The following CNOT6 variants were observed in gnomAD, a reference collection of about 807,000 sequenced individuals.
CNOT6 encodes carbon catabolite repression 4 protein.
In CNOT6, 12 loss-of-function variants were observed where a neutral mutation model predicts 61.2. That is an observed-to-expected ratio of 0.20 (90% CI 0.13 to 0.32). CNOT6 has a LOEUF of 0.32. Among genes scored for constraint, CNOT6 ranks in the 10% least tolerant of loss-of-function variants. The pLI is 1.00. For missense variants in CNOT6, 405 were observed against 663.9 expected (o/e 0.61, Z 4.28); for synonymous variants, 225 against 240.6 (o/e 0.94, Z 0.60).
rs2127771662 is a variant in CNOT6, at chr5:180,574,982, G to GTGA, written c.*787_*789dup. On this transcript the variant is annotated 3_prime_UTR_variant, in exon 12 of 12. Coordinates refer to ENST00000261951, the MANE Select transcript of CNOT6 (RefSeq NM_001370472.1). ...TCTACTAGGACAGATAAGCTGAACA[G>GTGA]TGATGATCTGTAGACATTTATGGAC... is the stretch of plus-strand genomic sequence containing the variant. 6.5e-6 allele frequency: 1 copy of GTGA among 152,800 alleles called. No individual in the cohort carries two copies. Among genetic ancestry groups the GTGA allele is most frequent in the East Asian group, 1.9e-4 (1 of 5,196 alleles). The allele number at this position is 152,800 out of a possible 1,614,324, so 9.5% of individuals were successfully genotyped here.
chr5:180,520,802 G>A (rs960175848), intron 1 of CNOT6, among the ~76,000 whole-genome samples: 2 of 151,698 alleles, frequency 1.3e-5, no homozygotes, highest in African/African-American at 4.8e-5. Flanking sequence ...TTCTTTCCAA[G>A]AGTGTGTTTA....
intron 10 of CNOT6, among the ~76,000 whole-genome samples, chr5:180,570,045 AATAG>A (rs749875779): frequency 3.3e-5 from 5 of 152,120 alleles, no homozygotes; most frequent in African/African-American, 4.8e-5. Context: ...TTGACATCAC[AATAG>A]ATAGAGCCCT....
chr5:180,514,667 C>T (rs1449316808), intron 1 of CNOT6, among the ~76,000 whole-genome samples: 3 of 152,224 alleles, frequency 2.0e-5, no homozygotes, highest in South Asian at 2.1e-4. Flanking sequence ...GTTTGCTTTC[C>T]AGTTGCTTAA....
chr5:180,531,791 C>T (rs570474428), intron 2 of CNOT6, among the ~76,000 whole-genome samples: 21 of 152,280 alleles, frequency 1.4e-4, no homozygotes, highest in African/African-American at 4.8e-4. Flanking sequence ...GAGACCAGCC[C>T]GGCCAACATG....
chr5:180,528,550 C>G (rs1273286105), intron 1 of CNOT6, among the ~76,000 whole-genome samples: 1 of 152,088 alleles, frequency 6.6e-6, no homozygotes, highest in Non-Finnish European at 1.5e-5. Context: ...CTCCTGACCT[C>G]GTGATTCACC....
chr5:180,511,393 C>T (rs1222104680), intron 1 of CNOT6, among the ~76,000 whole-genome samples: 10 of 151,986 alleles, frequency 6.6e-5, no homozygotes, highest in Admixed American at 2.6e-4. Flanking sequence ...GGGTGGATCA[C>T]GAGGTCAGGA....
At chr5:180,516,944 G>A (rs1287482484) in intron 1 of CNOT6, among the ~76,000 whole-genome samples, 3 of 152,134 alleles carry the variant, frequency 2.0e-5, no homozygotes, top group Admixed American at 6.5e-5. Context: ...GTTTCATACT[G>A]CACCACATCA....
chr5:180,546,767 G>A (rs147727446), intron 2 of CNOT6, among the ~76,000 whole-genome samples: 219 of 152,232 alleles, frequency 1.4e-3, no homozygotes, highest in African/African-American at 5.1e-3. Context: ...TTTCCTATCA[G>A]GTAGATCAAC....
At chr5:180,570,281 C>T (rs752790644) in intron 10 of CNOT6, among the ~76,000 whole-genome samples, 3 of 152,136 alleles carry the variant, frequency 2.0e-5, no homozygotes, top group Non-Finnish European at 4.4e-5. Context: ...TGACTTGAAC[C>T]CCAGAGGCAG....
intron 1 of CNOT6, among the ~76,000 whole-genome samples, chr5:180,512,016 T>G (rs983898534): frequency 1.3e-5 from 2 of 152,244 alleles, no homozygotes; most frequent in African/African-American, 2.4e-5. Flanking sequence ...ATTTGTAGTT[T>G]CATTCAGCTG....
intron 1 of CNOT6, among the ~76,000 whole-genome samples, chr5:180,505,154 G>A (rs1248558007): frequency 6.8e-6 from 1 of 147,588 alleles, no homozygotes; most frequent in Admixed American, 6.9e-5. Context: ...TAGAGACGGG[G>A]TTTCACCGTG....
intron 2 of CNOT6, 30 bp downstream of exon 2, chr5:180,529,418 T>C (rs1446966451): frequency 2.9e-6 from 4 of 1,362,342 alleles, no homozygotes; most frequent in Non-Finnish European, 4.2e-6. Flanking sequence ...ATTTATGGTA[T>C]GGAAATTAAG....
intron 2 of CNOT6, among the ~76,000 whole-genome samples, chr5:180,537,877 A>G (rs558721949): frequency 1.3e-5 from 2 of 151,616 alleles, no homozygotes; most frequent in Non-Finnish European, 2.9e-5. Context: ...GTGTATAAGA[A>G]AGTGACTAAC....
chr5:180,567,313 CTAAT>C, intron 8 of CNOT6, 71 bp downstream of exon 8: 1 of 1,344,164 alleles, frequency 7.4e-7, no homozygotes, highest in Non-Finnish European at 1.0e-6. Flanking sequence ...GGTGTGGAAA[CTAAT>C]TGGCAAATGA....
chr5:180,568,097 T>G, intron 9 of CNOT6, 94 bp downstream of exon 9: 7 of 1,283,450 alleles, frequency 5.5e-6, no homozygotes, highest in Non-Finnish European at 6.4e-6. Flanking sequence ...ATTCATGGTC[T>G]TGTCTAACAC....
At chr5:180,513,062 A>G (rs1408041379) in intron 1 of CNOT6, among the ~76,000 whole-genome samples, 1 of 151,466 alleles carries the variant, frequency 6.6e-6, no homozygotes, top group African/African-American at 2.4e-5. Flanking sequence ...ATGCCCGGAT[A>G]ATTTTTTTGT....
chr5:180,531,136 G>A (rs749558845), intron 2 of CNOT6, among the ~76,000 whole-genome samples: 5 of 129,978 alleles, frequency 3.8e-5, no homozygotes, highest in Admixed American at 1.5e-4. Flanking sequence ...TTCCCAGACC[G>A]GGCGGCTGGG....
chr5:180,555,292 C>G (rs769897250), intron 4 of CNOT6, among the ~76,000 whole-genome samples: 15 of 152,186 alleles, frequency 9.9e-5, no homozygotes, highest in Non-Finnish European at 2.2e-4. Context: ...CAGGCGTGAG[C>G]CACTGCACCA....
At chr5:180,566,916 A>G (rs567970555) in intron 7 of CNOT6, among the ~76,000 whole-genome samples, 172 bp from the exon 8 acceptor site, 1 of 152,042 alleles carries the variant, frequency 6.6e-6, no homozygotes. Context: ...GGCCTCTCAA[A>G]GTGCTGGGGT....
Sources: gnomAD v4.1 joint callset for allele counts (sites outside exome capture counted in the v4.1 genomes callset) on GRCh38, gnomAD v4.1.1 for gene constraint, MANE v1.5 for transcripts, NCBI Gene and HGNC (gene_info 2026-07-23, HGNC 2026-07-21) for gene names.